IFI35: variants seen among roughly 807,000 people sequenced by gnomAD.
IFI35 encodes interferon-induced 35 kDa protein.
A neutral mutation model predicts 28.6 loss-of-function variants in IFI35; 30 were observed. The ratio of observed to expected loss-of-function variants is 1.05; its 90% confidence interval spans 0.79 to 1.43. The LOEUF is 1.43. Ranked by LOEUF, IFI35 falls within the 40% of genes most tolerant of loss-of-function variation. IFI35 has a pLI of 0.00. For synonymous variants in IFI35, 146 were observed against 154.8 expected (o/e 0.94, Z 0.42); for missense variants, 372 against 356.9 (o/e 1.04, Z -0.34).
chr17:43,014,369 T>C lies in IFI35; in HGVS notation c.*70T>C, dbSNP rs533048944. The C allele has an allele frequency of 1.1e-4, 128 of 1,130,478 alleles. No individual in the cohort carries two copies. In the Admixed American group the frequency reaches 1.7e-3, roughly 15 times the overall value. 70.0% of individuals were successfully genotyped at this position (1,130,478 alleles called of 1,614,324 possible). On this transcript the variant is annotated 3_prime_UTR_variant, in exon 7 of 7. Transcript: ENST00000415816. ...ACACTGGCCTGGGCTTGGGTGCCCA[T>C]ATAGGAGGTCTGTATGTTCACCAAC...
chr17:43,008,660 A>C (rs2050431740), intron 1 of IFI35, among the ~76,000 whole-genome samples: 1 of 150,466 alleles, frequency 6.6e-6, no homozygotes, highest in African/African-American at 2.5e-5. Flanking sequence ...AGTAGCTGGG[A>C]CTACAGGCAC....
chr17:43,011,244 C>T (rs957334870), intron 1 of IFI35, among the ~76,000 whole-genome samples: 2 of 152,176 alleles, frequency 1.3e-5, no homozygotes, highest in Non-Finnish European at 2.9e-5. Context: ...ATTGGCCAGG[C>T]ATTGTGGCTT....
chr17:43,009,731 G>A (rs574256884), intron 1 of IFI35, among the ~76,000 whole-genome samples: 9 of 151,408 alleles, frequency 5.9e-5, no homozygotes, highest in South Asian at 4.2e-4. Flanking sequence ...CCAGCCTGGC[G>A]ACAGAGCGAG....
chr17:43,007,503 TAAAA>T (rs777529685), intron 1 of IFI35, among the ~76,000 whole-genome samples: 1 of 108,556 alleles, frequency 9.2e-6, no homozygotes, highest in Admixed American at 9.9e-5. Flanking sequence ...AGACTCTGTC[TAAAA>T]AAAAAAAAAA....
At chr17:43,010,794 C>T (rs776973805) in intron 1 of IFI35, among the ~76,000 whole-genome samples, 42 of 152,154 alleles carry the variant, frequency 2.8e-4, no homozygotes, top group Non-Finnish European at 3.1e-4. Flanking sequence ...TATTTTGTGC[C>T]GGAGATCTTG....
chr17:43,013,602 G>T lies in IFI35; in HGVS notation c.502G>T (p.Asp168Tyr), dbSNP rs145578882. 4 of 1,614,048 alleles carry T rather than the reference G, an allele frequency of 2.5e-6. No homozygotes were observed. The highest frequency in any genetic ancestry group is 3.4e-6 in the Non-Finnish European group (4 of 1,180,018). ...FFGKTRNGGG[D>Y]VDVRELLPGS... The stretch of plus-strand genomic sequence containing the variant: ...TGGCAAGACTAGGAACGGAGGTGGC[G>T]ATGTGGACGTTCGGGAGCTACTGCC... The change falls in exon 5 of 7, where the codon GAT becomes TAT. Residue 168 changes from aspartate to tyrosine, a missense_variant. By Grantham distance (160) the Asp-to-Tyr change is radical. Coordinates refer to ENST00000415816, the MANE Select transcript of IFI35 (RefSeq NM_001330230.2).
chr17:43,012,266 C>T lies in IFI35; in HGVS notation c.109C>T (p.Pro37Ser), dbSNP rs776914024. The T allele has an allele frequency of 1.3e-6, 2 of 1,569,840 alleles. No individual in the cohort carries two copies. Among genetic ancestry groups the T allele is most frequent in the Non-Finnish European group, 1.7e-6 (2 of 1,156,982 alleles). ...QQLRKELGDS[P>S]KDKVPFSVPK... ...GCTGAGAAAGGAGCTCGGGGACTCC[C>T]CCAAAGACAAGGTAAGGTGGGAGAT... is the stretch of plus-strand genomic sequence containing the variant. The change falls in exon 2 of 7, where the codon CCC (proline) becomes TCC (serine). Residue 37 changes from proline to serine, a missense_variant. Physicochemically the swap from Pro to Ser is moderately conservative, Grantham distance 74. Coordinates refer to ENST00000415816, the MANE Select transcript of IFI35 (RefSeq NM_001330230.2).
chr17:43,009,027 A>G (rs1323298995), intron 1 of IFI35, among the ~76,000 whole-genome samples: 1 of 151,676 alleles, frequency 6.6e-6, no homozygotes, highest in Admixed American at 6.6e-5. Context: ...ACAAGATCTC[A>G]CTGTTTTTTC....
At chr17:43,007,836 A>T (rs1261853109) in intron 1 of IFI35, among the ~76,000 whole-genome samples, 1 of 75,116 alleles carries the variant, frequency 1.3e-5, no homozygotes, top group East Asian at 3.7e-4. Flanking sequence ...ACACACACAC[A>T]CACACAAAAT....
intron 1 of IFI35, among the ~76,000 whole-genome samples, chr17:43,009,144 A>T (rs1296525363): frequency 6.6e-6 from 1 of 151,898 alleles, no homozygotes; most frequent in East Asian, 2.0e-4. Flanking sequence ...GACTACAGGC[A>T]TGTGCCACCA....
At chr17:43,007,060 C>T (rs998686218) in intron 1 of IFI35, 92 bp downstream of exon 1, 35 of 1,341,224 alleles carry the variant, frequency 2.6e-5, no homozygotes, top group Non-Finnish European at 3.5e-5. Flanking sequence ...GGCAGCCAAG[C>T]CTCACCCTGC....
rs373816024 is a variant in IFI35 at position 43,012,187 on chromosome 17, C to G, written c.30C>G (p.His10Gln). Residue 10 changes from histidine to glutamine, a missense_variant, in exon 2 of 7, where the codon CAC becomes CAG. Transcript: ENST00000415816. Reference protein sequence around the residue: MSAPLDAALHALQEEQARLK... With the variant: MSAPLDAALQALQEEQARLK... The stretch of plus-strand genomic sequence containing the variant: ...TCCTTCTGCCCCAACAGGCCCTCCA[C>G]GCCCTTCAGGAGGAGCAGGCCAGAC... 7.0e-6 allele frequency: 11 copies of G among 1,566,388 alleles called. No individual in the cohort carries two copies. Among genetic ancestry groups the G allele is most frequent in the Non-Finnish European group, 9.5e-6 (11 of 1,155,272 alleles).
At chr17:43,007,847 T>TATA (rs2050421792) in intron 1 of IFI35, among the ~76,000 whole-genome samples, 3 of 119,034 alleles carry the variant, frequency 2.5e-5, no homozygotes, top group East Asian at 2.2e-4. Flanking sequence ...CACACAAAAT[T>TATA]TATATATATA....
chr17:43,007,300 A>G (rs1296175640), intron 1 of IFI35, among the ~76,000 whole-genome samples: 1 of 152,048 alleles, frequency 6.6e-6, no homozygotes, highest in East Asian at 1.9e-4. Flanking sequence ...TCATCCTAGC[A>G]CTTTGGGAGG....
intron 1 of IFI35, among the ~76,000 whole-genome samples, chr17:43,008,278 C>T (rs1413624283): frequency 6.6e-6 from 1 of 150,976 alleles, no homozygotes; most frequent in Non-Finnish European, 1.5e-5. Context: ...TCGTGATCTG[C>T]CCCCCTCAAG....
At position 43,006,980 on chromosome 17, in the gene IFI35, G is replaced by A. The variant is rs902460272; in HGVS notation, c.21+12G>A. ...CCCCACTGGATGCCGTAAGTGAGGA[G>A]GAGGGAGTTGGGAAGTGGGGAAACA... On this transcript the variant is annotated intron_variant, in intron 1 of 6. Transcript: ENST00000415816. The A allele has an allele frequency of 2.5e-6, 4 of 1,613,762 alleles. No homozygotes were observed. Among genetic ancestry groups the A allele is most frequent in the Non-Finnish European group, 2.5e-6 (3 of 1,179,784 alleles).
At chr17:43,011,943 A>T (rs2050462142) in intron 1 of IFI35, 1 of 323,076 alleles carries the variant, frequency 3.1e-6, no homozygotes, top group African/African-American at 2.1e-5. Flanking sequence ...GGTCACGAAC[A>T]AGTCATGGAC....
Position 43,013,501 on chromosome 17 carries a change from G to C in IFI35, c.401G>C (p.Arg134Thr). Reference sequence around the variant, plus strand: ...ATGTCCAGCCAGTTGAGTGGCCGGAGGGTGTTGGTCACTGGATTTCCTGCC... The same window carrying C: ...ATGTCCAGCCAGTTGAGTGGCCGGACGGTGTTGGTCACTGGATTTCCTGCC... ...IQMSSQLSGR[R>T]VLVTGFPASL... Residue 134 changes from arginine to threonine, a missense_variant, in exon 5 of 7, where the codon AGG (arginine) becomes ACG (threonine). By Grantham distance (71) the Arg-to-Thr change is moderately conservative. Coordinates refer to ENST00000415816, the MANE Select transcript of IFI35 (RefSeq NM_001330230.2). 3.1e-6 allele frequency: 5 copies of C among 1,614,040 alleles called. No homozygotes were observed. The highest frequency in any genetic ancestry group is 4.2e-6 in the Non-Finnish European group (5 of 1,179,946).
intron 1 of IFI35, among the ~76,000 whole-genome samples, chr17:43,008,342 C>A (rs986022754): frequency 7.8e-6 from 1 of 128,982 alleles, no homozygotes; most frequent in Non-Finnish European, 1.6e-5. Flanking sequence ...ACTTTTCTTT[C>A]CTTTTTTTTT....
Sources: allele counts gnomAD v4.1 joint callset (sites outside exome capture counted in the v4.1 genomes callset), GRCh38; gene constraint gnomAD v4.1.1; transcripts MANE v1.5; gene names NCBI Gene and HGNC (gene_info 2026-07-23, HGNC 2026-07-21).